Variants in GAB4 observed in about 807,000 individuals in gnomAD.
The protein encoded by GAB4 is GRB2 associated binding protein family member 4.
A neutral mutation model predicts 51.3 loss-of-function variants in GAB4; 26 were observed. The observed-to-expected ratio is 0.51, with a 90% CI of 0.37 to 0.70. The LOEUF (loss-of-function observed/expected upper bound fraction) is 0.70. GAB4 is among the 30% of genes least tolerant of loss of function. The pLI, the probability that GAB4 is intolerant of heterozygous loss-of-function variation, is 0.00. For missense variants in GAB4, 759 were observed against 734.6 expected (o/e 1.03, Z -0.38); for synonymous variants, 329 against 291.2 (o/e 1.13, Z -1.32).
chr22:16,979,553 T>C (rs568757547), intron 3 of GAB4, among the ~76,000 whole-genome samples: 1 of 152,308 alleles, frequency 6.6e-6, no homozygotes, highest in Admixed American at 6.5e-5. Context: ...TCCATGCTCA[T>C]GGATAGGAAG....
At chr22:16,963,103 G>T (rs2060642287) in intron 9 of GAB4, among the ~76,000 whole-genome samples, 1 of 152,196 alleles carries the variant, frequency 6.6e-6, no homozygotes, top group South Asian at 2.1e-4. Context: ...CCACCTCGCA[G>T]GAAGAGCCAG....
chr22:16,969,819 AACGTG>A (rs1304558913), intron 4 of GAB4, 119 bp downstream of exon 4: 22 of 1,204,302 alleles, frequency 1.8e-5, no homozygotes, highest in Non-Finnish European at 2.5e-5. Context: ...GTTCTTGTCT[AACGTG>A]ACTGTCCTAG....
At chr22:17,006,829 C>T (rs1311764988) in intron 1 of GAB4, among the ~76,000 whole-genome samples, 3 of 151,968 alleles carry the variant, frequency 2.0e-5, no homozygotes, top group Admixed American at 6.6e-5. Flanking sequence ...GGCACAGGGA[C>T]GGGAGCATTA....
intron 1 of GAB4, among the ~76,000 whole-genome samples, chr22:17,004,719 A>G (rs1251198003): frequency 6.6e-6 from 1 of 152,190 alleles, no homozygotes; most frequent in African/African-American, 2.4e-5. Context: ...AATAAACGTA[A>G]TCCGTCACAT....
chr22:16,991,094 C>CAA (rs1318853219), intron 2 of GAB4, among the ~76,000 whole-genome samples: 1 of 152,102 alleles, frequency 6.6e-6, no homozygotes, highest in African/African-American at 2.4e-5. Flanking sequence ...CCTTGCTACT[C>CAA]AAAATGAAGC....
chr22:16,984,584 T>C (rs1428992757), intron 3 of GAB4, among the ~76,000 whole-genome samples: 1 of 152,246 alleles, frequency 6.6e-6, no homozygotes, highest in East Asian at 1.9e-4. Flanking sequence ...GTGTTTTGTG[T>C]AGACTGTGGG....
chr22:17,008,010 C>G lies in GAB4; in HGVS notation c.105G>C (p.Thr35=), dbSNP rs1452817393. ...CGCTGTACAGCACGTGGCCACTTCT[C>G]GTGCTTCCGCCGGCGGGGCCACTTC... ...WPGSGPAGGS[T]RSGHVLYSGW... The change falls in exon 1 of 10, where the codon ACG becomes ACC. Residue 35 remains threonine, a synonymous_variant. Coordinates refer to ENST00000400588, the MANE Select transcript of GAB4 (RefSeq NM_001037814.1). 1.2e-6 allele frequency: 2 copies of G among 1,612,302 alleles called. No homozygotes were observed. The highest frequency in any genetic ancestry group is 1.7e-5 in the Admixed American group (1 of 59,794).
chr22:16,972,765 G>A (rs1569095076), intron 3 of GAB4, among the ~76,000 whole-genome samples: 1 of 152,050 alleles, frequency 6.6e-6, no homozygotes, highest in African/African-American at 2.4e-5. Context: ...GACCACAAAA[G>A]GTCTCATAAC....
chr22:16,969,250 T>C lies in GAB4; in HGVS notation c.937+693A>G, dbSNP rs150546337. 6.6e-5 allele frequency among the ~76,000 whole-genome samples: 10 copies of C among 152,348 alleles called. No individual in the cohort carries two copies. The East Asian group carries it at 1.9e-3, about 29-fold the overall frequency. Reference sequence around the variant, plus strand: ...TCAACAGTCTGTTAGTCCACACTGGTTTGGCTCTAGTTTTGGACTGATCTC... The same window carrying C: ...TCAACAGTCTGTTAGTCCACACTGGCTTGGCTCTAGTTTTGGACTGATCTC... On this transcript the variant is annotated intron_variant, in intron 4 of 9. Transcript: ENST00000400588.
intron 5 of GAB4, 38 bp downstream of exon 5, chr22:16,968,260 T>G (rs779872559): frequency 7.0e-7 from 1 of 1,427,810 alleles, no homozygotes; most frequent in East Asian, 2.3e-5. Context: ...TTTACCTCCC[T>G]GAGCCAGTCT....
intron 3 of GAB4, among the ~76,000 whole-genome samples, chr22:16,986,443 TAA>T (rs996176360): frequency 2.0e-5 from 3 of 152,196 alleles, no homozygotes; most frequent in Non-Finnish European, 4.4e-5. Context: ...GAACCACAGG[TAA>T]CAGGGACTGA....
At chr22:16,994,904 T>C (rs2060938980) in intron 1 of GAB4, among the ~76,000 whole-genome samples, 1 of 152,222 alleles carries the variant, frequency 6.6e-6, no homozygotes, top group South Asian at 2.1e-4. Context: ...TTAAGAATGT[T>C]GTTAGCTGTA....
In GAB4 at chr22:16,988,092, T is replaced by C; in HGVS notation, c.554A>G (p.His185Arg). 6.2e-7 allele frequency: 1 copy of C among 1,609,024 alleles called. No individual in the cohort carries two copies. Among genetic ancestry groups the C allele is most frequent in the South Asian group, 1.1e-5 (1 of 90,168 alleles). ...SPAEPSCSHQ[H>R]LPQEQEPTSE... is the part of the protein sequence containing the mutation. Reference sequence around the variant, plus strand: ...TGTGGGTTCTTGTTCTTGGGGGAGGTGCTGATGGGAGCAGCTGGGCTCAGC... The same window carrying C: ...TGTGGGTTCTTGTTCTTGGGGGAGGCGCTGATGGGAGCAGCTGGGCTCAGC... Residue 185 changes from histidine to arginine, a missense_variant, in exon 3 of 10, where the codon CAC (histidine) becomes CGC (arginine). Physicochemically the swap from His to Arg is conservative, Grantham distance 29. Transcript: ENST00000400588.
chr22:17,000,156 T>G (rs1270577804), intron 1 of GAB4, among the ~76,000 whole-genome samples: 1 of 152,220 alleles, frequency 6.6e-6, no homozygotes, highest in African/African-American at 2.4e-5. Flanking sequence ...GTCTATTAGG[T>G]CTGCTTGGCG....
chr22:16,978,758 T>C (rs1280943786), intron 3 of GAB4, among the ~76,000 whole-genome samples: 2 of 152,212 alleles, frequency 1.3e-5, no homozygotes, highest in Non-Finnish European at 2.9e-5. Flanking sequence ...ATATCCCTGA[T>C]GAACATCAAT....
chr22:16,963,849 A>T lies in GAB4; in HGVS notation c.1477-20T>A, dbSNP rs1284002954. ...CGGGTTCTGCTGTCACAAGGAGGAAAATCCTGCAAATGAGTTCAGGACACA... is the reference window on the plus strand; with the variant it reads ...CGGGTTCTGCTGTCACAAGGAGGAATATCCTGCAAATGAGTTCAGGACACA... On this transcript the variant is annotated intron_variant, in intron 8 of 9. Coordinates refer to ENST00000400588, the MANE Select transcript of GAB4 (RefSeq NM_001037814.1). 8 of 1,593,348 alleles carry T rather than the reference A, an allele frequency of 5.0e-6. No individual in the cohort carries two copies. Among genetic ancestry groups the T allele is most frequent in the South Asian group, 3.3e-5 (3 of 90,656 alleles).
At chr22:16,974,344 T>C (rs2060758898) in intron 3 of GAB4, among the ~76,000 whole-genome samples, 2 of 152,180 alleles carry the variant, frequency 1.3e-5, no homozygotes, top group Non-Finnish European at 2.9e-5. Flanking sequence ...ATCTTCCTAA[T>C]AGGTCTGAGA....
intron 2 of GAB4, among the ~76,000 whole-genome samples, chr22:16,991,575 T>C (rs1365481817): frequency 6.6e-6 from 1 of 152,024 alleles, no homozygotes; most frequent in African/African-American, 2.4e-5. Flanking sequence ...TGCCAGGTGG[T>C]CTGAAGTAGG....
intron 3 of GAB4, among the ~76,000 whole-genome samples, chr22:16,975,226 AC>A (rs749942565): frequency 1.3e-5 from 2 of 152,076 alleles, no homozygotes; most frequent in African/African-American, 2.4e-5. Flanking sequence ...AGGGGATCCC[AC>A]CCCCATGGAG....
Sources: gnomAD v4.1 joint callset for allele counts (sites outside exome capture counted in the v4.1 genomes callset) on GRCh38, gnomAD v4.1.1 for gene constraint, MANE v1.5 for transcripts, NCBI Gene and HGNC (gene_info 2026-07-23, HGNC 2026-07-21) for gene names.